The following PIGR variants were observed in gnomAD, a reference collection of about 807,000 sequenced individuals.
PIGR encodes the protein hepatocellular carcinoma associated protein TB6.
In PIGR, 22 loss-of-function variants were observed where a neutral mutation model predicts 69.5. The ratio of observed to expected loss-of-function variants is 0.32; its 90% CI spans 0.23 to 0.45. The LOEUF (loss-of-function observed/expected upper bound fraction) is 0.45, where lower values mean the gene tolerates loss of function less well. PIGR is among the 20% of genes least tolerant of loss of function. PIGR has a pLI of 1.00. For missense variants in PIGR, 885 were observed against 974.0 expected, an observed-to-expected ratio of 0.91 and a Z score of 1.22; for synonymous variants, 413 against 407.6, an observed-to-expected ratio of 1.01 and a Z score of -0.16.
At position 206,935,916 on chromosome 1, in the gene PIGR, G is replaced by A. The variant is rs1679854809; in HGVS notation, c.1046-98C>T. 1.2e-5 allele frequency: 10 copies of A among 860,068 alleles called. No homozygotes were observed. In the South Asian group the frequency reaches 1.7e-4, roughly 15 times the overall value. The allele number at this position is 860,068 out of a possible 1,614,324, so 53.3% of individuals were successfully genotyped here. A position where few individuals can be genotyped will look rare whatever the true frequency, so the allele number is the denominator to read the frequency against. The stretch of plus-strand genomic sequence containing the variant: ...CTTCCCGGGGTCTCAGCCAGGATGG[G>A]GAGTGAAGTTTACACGCATCACCTT... On this transcript the variant is annotated intron_variant, in intron 4 of 10. Coordinates refer to ENST00000356495, the MANE Select transcript of PIGR (RefSeq NM_002644.4). This position sits in a 1 kb window ranked among gnomAD's most constrained non-coding sequence, Gnocchi z 4.4.
In PIGR at chr1:206,930,357, G is replaced by A. The variant is rs746425326; in HGVS notation, c.2256C>T (p.Thr752=). Residue 752 remains threonine, a synonymous_variant, in exon 11 of 11, where the codon ACC becomes ACT. Coordinates refer to ENST00000356495, the MANE Select transcript of PIGR (RefSeq NM_002644.4). This position sits in a 1 kb window ranked among gnomAD's most constrained non-coding sequence, Gnocchi z 4.3. ...GGCCGTCCTGGGCCTCGGCGGCCAC[G>A]GTGCTGGACTGGAGCAGGAAGTCTT... ...AYKDFLLQSS[T]VAAEAQDGPQ... The A allele has an allele frequency of 1.4e-5, 22 of 1,611,846 alleles. No homozygotes were observed. Among genetic ancestry groups the A allele is most frequent in the African/African-American group, 2.7e-5 (2 of 74,810 alleles).
In PIGR at chr1:206,939,031, G is replaced by A; in HGVS notation, c.388+88C>T. 2 of 1,176,868 alleles carry A rather than the reference G, an allele frequency of 1.7e-6. 1 individual carries two copies. The highest frequency in any genetic ancestry group is 2.9e-5 in the South Asian group (2 of 68,260). 72.9% of individuals were successfully genotyped at this position (1,176,868 alleles called of 1,614,324 possible). A position where few individuals can be genotyped will look rare whatever the true frequency, so the allele number is the denominator to read the frequency against. On this transcript the variant is annotated intron_variant, in intron 3 of 10. Coordinates refer to ENST00000356495, the MANE Select transcript of PIGR (RefSeq NM_002644.4). ...ACCCCCAACCCGGCTACACATCCTT[G>A]TCAGGAAGTTCCTCCTCAAGCCCTC...
chr1:206,941,431 G>A (rs979163975), intron 1 of PIGR, among the ~76,000 whole-genome samples: 6 of 152,186 alleles, frequency 3.9e-5, no homozygotes, highest in African/African-American at 1.4e-4. Flanking sequence ...TGTTGCTTAT[G>A]AAAGCACTAC....
rs747105387 is a variant in PIGR at position 206,937,672 on chromosome 1, A to T, written c.468T>A (p.Thr156=). 1 of 1,613,964 alleles carries T rather than the reference A, an allele frequency of 6.2e-7. No homozygotes were observed. Among genetic ancestry groups the T allele is most frequent in the Non-Finnish European group, 8.5e-7 (1 of 1,179,952 alleles). Residue 156 remains threonine (T), a synonymous_variant, in exon 4 of 11, where the codon ACT becomes ACA. Transcript: ENST00000356495. ...RTVTINCPFK[T]ENAQKRKSLY... is the part of the protein sequence containing the mutation. ...AGGACTTCCTCTTTTGAGCATTCTC[A>T]GTCTTGAAAGGGCAGTTGATGGTCA...
At chr1:206,932,842 C>A in intron 7 of PIGR, 144 bp downstream of exon 7, 2 of 855,442 alleles carry the variant, frequency 2.3e-6, no homozygotes, top group Non-Finnish European at 1.8e-6. Context: ...TACCATAGGA[C>A]CCTCCCACAT....
chr1:206,932,681 C>T (rs951837199), intron 7 of PIGR, 104 bp from the exon 8 acceptor site: 2 of 1,337,384 alleles, frequency 1.5e-6, no homozygotes, highest in South Asian at 1.5e-5. Flanking sequence ...GGTTTATCCA[C>T]CCCACCCTGC....
chr1:206,939,432 G>T lies in PIGR; in HGVS notation c.75C>A (p.Pro25=). The T allele has an allele frequency of 6.2e-7, 1 of 1,608,834 alleles. No homozygotes were observed. The change falls in exon 3 of 11, where the codon CCC becomes CCA. Residue 25 remains proline (P), a synonymous_variant. Transcript: ENST00000356495. ...TACCTTCCACACTATTCACCTCCTC[G>T]GGACCAAATATGGGACTCTTCGTGG... is the stretch of plus-strand genomic sequence containing the variant. ...AISTKSPIFG[P]EEVNSVEGNS...
At position 206,935,741 on chromosome 1, in the gene PIGR, G is replaced by A. The variant is rs1283631837; in HGVS notation, c.1123C>T (p.Arg375Cys). The A allele has an allele frequency of 3.7e-6, 6 of 1,614,024 alleles. No individual in the cohort carries two copies. Among genetic ancestry groups the A allele is most frequent in the South Asian group, 2.2e-5 (2 of 91,068 alleles). ...GSVAVLCPYNRKESKSIKYWC... is the reference protein window; with the variant it reads ...GSVAVLCPYNCKESKSIKYWC... ...TACTTGATGCTTTTGCTTTCCTTAC[G>A]GTTGTAGGGGCAGAGCACGGCCACA... Residue 375 changes from arginine to cysteine, a missense_variant, in exon 5 of 11, where the codon CGT becomes TGT. Arg to Cys is a radical substitution (Grantham distance 180). Transcript: ENST00000356495. The surrounding 1 kb of genome is among the most constrained non-coding windows in gnomAD (Gnocchi z 4.4).
intron 4 of PIGR, among the ~76,000 whole-genome samples, chr1:206,936,628 C>T (rs1032772340): frequency 2.6e-5 from 4 of 152,112 alleles, no homozygotes; most frequent in East Asian, 1.9e-4. Flanking sequence ...AATAACCCTA[C>T]GAAATGTGAC....
At chr1:206,942,201 C>T (rs527537759) in intron 1 of PIGR, among the ~76,000 whole-genome samples, 11 of 152,180 alleles carry the variant, frequency 7.2e-5, no homozygotes, top group South Asian at 4.1e-4. Flanking sequence ...CTCTTGAGTC[C>T]GGTTAATTGC....
At chr1:206,942,607 C>T (rs1680008879) in intron 1 of PIGR, among the ~76,000 whole-genome samples, 1 of 152,222 alleles carries the variant, frequency 6.6e-6, no homozygotes, top group Non-Finnish European at 1.5e-5. Flanking sequence ...CAGGAGTGGT[C>T]TTCCCACAAG....
Position 206,930,074 on chromosome 1 carries a change from G to A in PIGR, c.*244C>T. 1 of 423,056 alleles carries A rather than the reference G, an allele frequency of 2.4e-6. No individual in the cohort carries two copies. The highest frequency in any genetic ancestry group is 4.2e-6 in the Non-Finnish European group (1 of 238,764). The allele number at this position is 423,056 out of a possible 1,614,324, so 26.2% of individuals were successfully genotyped here. ...AGGACCTCTATTCTTCTCCGTACCT[G>A]AGGTTCTCTCAACAGAAAGAAGTTG... On this transcript the variant is annotated 3_prime_UTR_variant, in exon 11 of 11. Coordinates refer to ENST00000356495, the MANE Select transcript of PIGR (RefSeq NM_002644.4). The surrounding 1 kb of genome is among the most constrained non-coding windows in gnomAD (Gnocchi z 4.3).
Position 206,930,332 on chromosome 1 carries a change from G to A in PIGR, c.2281C>T (p.Pro761Ser), listed in dbSNP as rs1178870584. ...GGCGACACCGTCTAGGCTTCCTGGGGGCCGTCCTGGGCCTCGGCGGCCACG... is the reference window on the plus strand; with the variant it reads ...GGCGACACCGTCTAGGCTTCCTGGGAGCCGTCCTGGGCCTCGGCGGCCACG... Reference protein sequence around the residue: ...STVAAEAQDGPQEA With the variant: ...STVAAEAQDGSQEA Residue 761 changes from proline to serine, a missense_variant, in exon 11 of 11, where the codon CCC (proline) becomes TCC (serine). Transcript: ENST00000356495. This position sits in a 1 kb window ranked among gnomAD's most constrained non-coding sequence, Gnocchi z 4.3. 1.2e-6 allele frequency: 2 copies of A among 1,611,418 alleles called. No individual in the cohort carries two copies. Among genetic ancestry groups the A allele is most frequent in the Non-Finnish European group, 1.7e-6 (2 of 1,178,678 alleles).
intron 6 of PIGR, among the ~76,000 whole-genome samples, chr1:206,934,181 A>G (rs1351012446): frequency 6.6e-6 from 1 of 152,134 alleles, no homozygotes; most frequent in Non-Finnish European, 1.5e-5. Flanking sequence ...CTTAATGCCG[A>G]GGTTAAATAG....
At chr1:206,945,586 G>A (rs1680088596) in intron 1 of PIGR, among the ~76,000 whole-genome samples, 1 of 152,238 alleles carries the variant, frequency 6.6e-6, no homozygotes, top group African/African-American at 2.4e-5. Context: ...AGGGCAGGAT[G>A]ATGCGATGAC....
At chr1:206,936,053 G>T (rs1262920867) in intron 4 of PIGR, among the ~76,000 whole-genome samples, 1 of 152,296 alleles carries the variant, frequency 6.6e-6, no homozygotes, top group Non-Finnish European at 1.5e-5. Flanking sequence ...TGCACATGTT[G>T]TTCTTTTCCC....
Position 206,935,599 on chromosome 1 carries a change from C to T in PIGR, c.1265G>A (p.Gly422Asp). 1 of 1,614,208 alleles carries T rather than the reference C, an allele frequency of 6.2e-7. No individual in the cohort carries two copies. Among genetic ancestry groups the T allele is most frequent in the East Asian group, 2.2e-5 (1 of 44,882 alleles). ...RLSLLEEPGN[G>D]TFTVILNQLT... ...CTGGTTGAGGATGACAGTGAAGGTGCCGTTGCCTGGCTCCTCCAGCAGGGA... is the reference window on the plus strand; with the variant it reads ...CTGGTTGAGGATGACAGTGAAGGTGTCGTTGCCTGGCTCCTCCAGCAGGGA... Residue 422 changes from glycine (G) to aspartate (D), a missense_variant, in exon 5 of 11, where the codon GGC becomes GAC. Transcript: ENST00000356495. The surrounding 1 kb of genome is among the most constrained non-coding windows in gnomAD (Gnocchi z 4.4).
chr1:206,932,535 G>A lies in PIGR; in HGVS notation c.1929C>T (p.Thr643=). 6.2e-7 allele frequency: 1 copy of A among 1,613,932 alleles called. No individual in the cohort carries two copies. The highest frequency in any genetic ancestry group is 8.5e-7 in the Non-Finnish European group (1 of 1,179,978). The change falls in exon 8 of 11, where the codon ACC becomes ACT. Residue 643 remains threonine (T), a synonymous_variant. Coordinates refer to ENST00000356495, the MANE Select transcript of PIGR (RefSeq NM_002644.4). ...CCAGCACCAGGCCCAGGGGCACCAG[G>A]GTGGAGACCAGCGCTCTGGAGCTTC... ...QGGSSRALVS[T]LVPLGLVLAV...
intron 7 of PIGR, among the ~76,000 whole-genome samples, 173 bp from the exon 8 acceptor site, chr1:206,932,750 C>T (rs534028551): frequency 5.7e-4 from 87 of 152,362 alleles, no homozygotes; most frequent in African/African-American, 1.9e-3. Context: ...CAAAGGCACG[C>T]ACTGGGCCTT....
Sources: gnomAD v4.1 joint callset for allele counts (sites outside exome capture counted in the v4.1 genomes callset) on GRCh38, gnomAD v4.1.1 for gene constraint, Gnocchi (gnomAD v3.1) non-coding constraint, MANE v1.5 for transcripts, NCBI Gene and HGNC (gene_info 2026-07-23, HGNC 2026-07-21) for gene names.